Variants in ARB2A observed in about 807,000 individuals in gnomAD.
The protein encoded by ARB2A is cotranscriptional regulator ARB2A.
chr5:94,035,257 C>CATATACATATACATATACATA, the ARB2A span, among the ~76,000 whole-genome samples: 1 of 25,896 alleles, frequency 3.9e-5, no homozygotes, highest in Admixed American at 3.3e-4. Context: ...ACATATACAT[C>CATATACATATACATATACATA]ACTATATGTA....
At chr5:93,802,085 T>G in the ARB2A span, among the ~76,000 whole-genome samples, 1 of 152,012 alleles carries the variant, frequency 6.6e-6, no homozygotes, top group African/African-American at 2.4e-5. Context: ...ACATCCTCTC[T>G]TTGGAAAAAA....
the ARB2A span, among the ~76,000 whole-genome samples, chr5:93,626,187 G>T: frequency 2.0e-5 from 3 of 152,110 alleles, no homozygotes; most frequent in African/African-American, 7.2e-5. Flanking sequence ...ATTTTTAAAT[G>T]AAGACATGGG....
At chr5:93,678,482 G>T in the ARB2A span, among the ~76,000 whole-genome samples, 1 of 152,154 alleles carries the variant, frequency 6.6e-6, no homozygotes, top group Non-Finnish European at 1.5e-5. Flanking sequence ...GTGGCCGAGT[G>T]CGGTGGCTCA....
At chr5:93,793,069 A>C in the ARB2A span, among the ~76,000 whole-genome samples, 2 of 151,224 alleles carry the variant, frequency 1.3e-5, no homozygotes, top group Non-Finnish European at 3.0e-5. Context: ...GCATAGCTAG[A>C]TTTTTTTATT....
the ARB2A span, among the ~76,000 whole-genome samples, chr5:93,688,038 A>C: frequency 1.3e-5 from 2 of 150,922 alleles, no homozygotes; most frequent in Non-Finnish European, 2.9e-5. Flanking sequence ...CAGTGGCATG[A>C]TCTTGGCTCA....
At chr5:93,722,617 G>A in the ARB2A span, among the ~76,000 whole-genome samples, 3 of 152,098 alleles carry the variant, frequency 2.0e-5, no homozygotes, top group Non-Finnish European at 2.9e-5. Context: ...AAAAGAAAAA[G>A]AGTGATTAAA....
At chr5:94,053,013 T>C in the ARB2A span, 1 of 463,512 alleles carries the variant, frequency 2.2e-6, no homozygotes, top group Non-Finnish European at 3.7e-6. Flanking sequence ...CCTTTAAAAG[T>C]AGCAAATAAT....
At chr5:94,012,264 T>C in the ARB2A span, among the ~76,000 whole-genome samples, 1 of 152,040 alleles carries the variant, frequency 6.6e-6, no homozygotes, top group East Asian at 1.9e-4. Context: ...TAGCCAGGCG[T>C]GGTGGTGGGT....
the ARB2A span, among the ~76,000 whole-genome samples, chr5:93,945,727 A>T: frequency 6.6e-6 from 1 of 152,316 alleles, no homozygotes; most frequent in South Asian, 2.1e-4. Flanking sequence ...AATTATCAAC[A>T]AACAATACAA....
the ARB2A span, among the ~76,000 whole-genome samples, chr5:93,864,237 T>C: frequency 2.6e-5 from 4 of 152,200 alleles, no homozygotes; most frequent in Non-Finnish European, 4.4e-5. Flanking sequence ...CAATTATTAA[T>C]TATTACATTA....
At chr5:93,765,983 A>G in the ARB2A span, among the ~76,000 whole-genome samples, 1 of 152,216 alleles carries the variant, frequency 6.6e-6, no homozygotes, top group East Asian at 1.9e-4. Context: ...CTGGCTAGCC[A>G]TATGTAGAAA....
At chr5:93,830,311 G>GTGTATGTGTGTGTATATATATATATA in the ARB2A span, among the ~76,000 whole-genome samples, 5 of 82,264 alleles carry the variant, frequency 6.1e-5, no homozygotes, top group Admixed American at 2.6e-4. Context: ...GTGTGTGTGT[G>GTGTATGTGTGTGTATATATATATATA]TATATATATA....
chr5:93,877,536 A>G, the ARB2A span, among the ~76,000 whole-genome samples: 4 of 152,298 alleles, frequency 2.6e-5, no homozygotes, highest in South Asian at 8.3e-4. Context: ...AAGGATTGAC[A>G]TGCAATGCCA....
At chr5:93,648,809 G>T in the ARB2A span, among the ~76,000 whole-genome samples, 2 of 152,026 alleles carry the variant, frequency 1.3e-5, no homozygotes, top group African/African-American at 4.8e-5. Context: ...ACTTTAATTT[G>T]TCCCGATTTC....
At chr5:93,967,553 G>A in the ARB2A span, among the ~76,000 whole-genome samples, 2 of 152,042 alleles carry the variant, frequency 1.3e-5, no homozygotes, top group African/African-American at 2.4e-5. Flanking sequence ...AACTGCTGGC[G>A]GGGTGTGGAC....
chr5:93,683,733 A>C, the ARB2A span: 7 of 1,608,452 alleles, frequency 4.4e-6, no homozygotes, highest in Non-Finnish European at 5.9e-6. Context: ...GGCGGCACGC[A>C]CTTAGGTAGG....
the ARB2A span, among the ~76,000 whole-genome samples, chr5:93,792,343 T>C: frequency 6.6e-6 from 1 of 152,058 alleles, no homozygotes; most frequent in African/African-American, 2.4e-5. Flanking sequence ...TAAGGCAGGC[T>C]CAGCGAAGAA....
At chr5:94,026,481 C>T in the ARB2A span, among the ~76,000 whole-genome samples, 1 of 151,976 alleles carries the variant, frequency 6.6e-6, no homozygotes, top group Non-Finnish European at 1.5e-5. Context: ...ATTTTTCTCC[C>T]AGTGTGGCTG....
chr5:93,618,138 CCT>C, the ARB2A span: 1 of 150,276 alleles, frequency 6.7e-6, no homozygotes, highest in East Asian at 1.9e-4. Context: ...CTTGTGCTTT[CCT>C]TTTTTTTTTT....
Sources: gnomAD v4.1 joint callset for allele counts (sites outside exome capture counted in the v4.1 genomes callset) on GRCh38, gnomAD v4.1.1 for gene constraint, MANE v1.5 for transcripts, NCBI Gene and HGNC (gene_info 2026-07-23, HGNC 2026-07-21) for gene names.